Variants in INSR observed in about 807,000 individuals in gnomAD.
INSR encodes IR.
Under a neutral mutation model 142.6 loss-of-function variants are expected in INSR, and 67 were observed. That is an observed-to-expected ratio of 0.47 (90% CI 0.39 to 0.58). The LOEUF (loss-of-function observed/expected upper bound fraction) is 0.58. Among genes scored for constraint, INSR ranks in the 20% least tolerant of loss-of-function variants. INSR has a pLI of 0.00. For missense variants in INSR, 1,248 were observed against 1,833.2 expected (o/e 0.68, Z 5.83); for synonymous variants, 756 against 743.1 (o/e 1.02, Z -0.28).
At chr19:7,130,021 G>A (rs778684060) in intron 14 of INSR, among the ~76,000 whole-genome samples, 10 of 134,100 alleles carry the variant, frequency 7.5e-5, no homozygotes, top group South Asian at 2.4e-4. Flanking sequence ...TTACAGGTGT[G>A]AGCCACCTCA....
At chr19:7,118,455 T>C (rs79835743) in intron 21 of INSR, among the ~76,000 whole-genome samples, 39,324 of 151,442 alleles carry the variant, frequency 0.26, 6,232 homozygotes, top group African/African-American at 0.44. Context: ...GTAGCTGGGA[T>C]TACAGGCGCC....
At position 7,181,769 on chromosome 19, in the gene INSR, C is replaced by T. The variant is rs149554766; in HGVS notation, c.974+2547G>A. 5.6e-3 allele frequency among the ~76,000 whole-genome samples: 839 copies of T among 151,130 alleles called. 14 individuals carry two copies. Among genetic ancestry groups the T allele is most frequent in the African/African-American group, 0.019 (801 of 41,246 alleles). On this transcript the variant is annotated intron_variant, in intron 3 of 21. Coordinates refer to ENST00000302850, the MANE Select transcript of INSR (RefSeq NM_000208.4). ...TTTGTTTTTGTATTTTTAGTAAAGA[C>T]GGGGTTTCACCGTGGTGGCCAGGCT... is the stretch of plus-strand genomic sequence containing the variant.
chr19:7,213,359 AC>A (rs534811691), intron 2 of INSR, among the ~76,000 whole-genome samples: 22,221 of 120,634 alleles, frequency 0.18, 1,920 homozygotes, highest in East Asian at 0.38. Flanking sequence ...AAAAAAAAAA[AC>A]AAACAAAAAA....
chr19:7,271,237 T>G (rs944255560), intron 1 of INSR, among the ~76,000 whole-genome samples: 5 of 152,088 alleles, frequency 3.3e-5, no homozygotes, highest in African/African-American at 1.2e-4. Context: ...GGCTCACACT[T>G]GTAATCCCAG....
intron 2 of INSR, among the ~76,000 whole-genome samples, chr19:7,221,477 G>A (rs1975614836): frequency 6.6e-6 from 1 of 152,134 alleles, no homozygotes; most frequent in South Asian, 2.1e-4. Flanking sequence ...GGAGGCCGAG[G>A]CGGGCGGATC....
In INSR at chr19:7,149,936, AGAAGGAAGGAAGGAAG is replaced by A. The variant is rs71177162; in HGVS notation, c.2267+545_2267+560del. 8.5e-3 allele frequency among the ~76,000 whole-genome samples: 1,225 copies of A among 144,254 alleles called. 34 individuals carry two copies. Among genetic ancestry groups the A allele is most frequent in the African/African-American group, 0.03 (1,146 of 38,740 alleles). 94.6% of individuals were successfully genotyped at this position (144,254 alleles called of 152,430 possible). The stretch of plus-strand genomic sequence containing the variant: ...AAGAAAGAAAGAAGGAAAAAAAGAA[AGAAGGAAGGAAGGAAG>A]GAAGGAAGGAAGGAAGGAAGGAAGG... On this transcript the variant is annotated intron_variant, in intron 11 of 21. Transcript: ENST00000302850.
intron 1 of INSR, among the ~76,000 whole-genome samples, chr19:7,273,759 C>T (rs988310744): frequency 2.0e-5 from 3 of 152,052 alleles, no homozygotes; most frequent in Non-Finnish European, 2.9e-5. Context: ...TCAGGTGATC[C>T]GCCCACCTCG....
rs773975823 is a variant in INSR at position 7,125,409 on chromosome 19, G to A, written c.3132C>T (p.Asp1044=). 25 of 1,614,004 alleles carry A rather than the reference G, an allele frequency of 1.5e-5. No individual in the cohort carries two copies. In the East Asian group the frequency reaches 4.9e-4, roughly 32 times the overall value. The change falls in exon 17 of 22, where the codon GAC becomes GAT. Residue 1044 remains aspartate (D), a synonymous_variant. Coordinates refer to ENST00000302850, the MANE Select transcript of INSR (RefSeq NM_000208.4). This position sits in a 1 kb window ranked among gnomAD's most constrained non-coding sequence, Gnocchi z 4.9. ...FGMVYEGNAR[D]IIKGEAETRV... Reference sequence around the variant, plus strand: ...GGGTCTCTGCCTCACCCTTGATGATGTCCCTGGCATTGCCCTCATACACCA... The same window carrying A: ...GGGTCTCTGCCTCACCCTTGATGATATCCCTGGCATTGCCCTCATACACCA...
At position 7,219,810 on chromosome 19, in the gene INSR, C is replaced by G. The variant is rs577976717; in HGVS notation, c.653-35173G>C. Reference sequence around the variant, plus strand: ...ATGGGGACCCCATCTCTCTCCCTTTCCTTTTCGCAGTCCTGCTTCCTTCTA... The same window carrying G: ...ATGGGGACCCCATCTCTCTCCCTTTGCTTTTCGCAGTCCTGCTTCCTTCTA... On this transcript the variant is annotated intron_variant, in intron 2 of 21. Transcript: ENST00000302850. 2.6e-5 allele frequency among the ~76,000 whole-genome samples: 4 copies of G among 152,338 alleles called. No homozygotes were observed. In the East Asian group the frequency reaches 7.7e-4, roughly 29 times the overall value.
chr19:7,194,508 CTTTTTTTTTTTTT>C (rs35025189), intron 2 of INSR, among the ~76,000 whole-genome samples: 1,887 of 73,676 alleles, frequency 0.026, 27 homozygotes, highest in Non-Finnish European at 0.036. Flanking sequence ...AATAGCTTTG[CTTTTTTTTTTTTT>C]TTTTTTTTTG....
chr19:7,153,196 A>ACCACACACC (rs1973459214), intron 9 of INSR, among the ~76,000 whole-genome samples: 1 of 4,354 alleles, frequency 2.3e-4, no homozygotes, highest in Admixed American at 1.8e-3. Context: ...CCACACACAC[A>ACCACACACC]CCACACACAC....
chr19:7,166,412 G>A lies in INSR; in HGVS notation c.1611-8C>T, dbSNP rs1973891112. The A allele has an allele frequency of 1.9e-6, 3 of 1,613,548 alleles. No individual in the cohort carries two copies. Among genetic ancestry groups the A allele is most frequent in the Non-Finnish European group, 2.5e-6 (3 of 1,179,872 alleles). ...GTCACATTCTGATAAGGGCTTTCAA[G>A]ACAAAACAGCAGAAGGCAGTTACCC... On this transcript the variant is annotated splice_region_variant and splice_polypyrimidine_tract_variant and intron_variant, in intron 7 of 21. Coordinates refer to ENST00000302850, the MANE Select transcript of INSR (RefSeq NM_000208.4). The surrounding 1 kb of genome is among the most constrained non-coding windows in gnomAD (Gnocchi z 4.1).
intron 2 of INSR, among the ~76,000 whole-genome samples, chr19:7,263,191 A>C (rs1236665520): frequency 1.3e-5 from 2 of 152,010 alleles, no homozygotes; most frequent in East Asian, 3.9e-4. Context: ...AGGCAGGAGA[A>C]TCATTTGAAT....
intron 2 of INSR, among the ~76,000 whole-genome samples, chr19:7,253,233 TTTATTTATTTA>T: frequency 3.4e-5 from 2 of 59,694 alleles, no homozygotes; most frequent in African/African-American, 1.0e-4. Context: ...TATTTATTTG[TTTATTTATTTA>T]TTTAATTATT....
At chr19:7,205,620 C>T (rs1975086766) in intron 2 of INSR, among the ~76,000 whole-genome samples, 1 of 152,142 alleles carries the variant, frequency 6.6e-6, no homozygotes. Flanking sequence ...TGCCTGTAAT[C>T]CCGATACTTT....
At chr19:7,178,718 C>G (rs1407580165) in intron 3 of INSR, among the ~76,000 whole-genome samples, 1 of 134,266 alleles carries the variant, frequency 7.4e-6, no homozygotes, top group African/African-American at 3.2e-5. Context: ...GACTCCGTCT[C>G]AAAACAAACA....
At chr19:7,126,480 T>G in intron 16 of INSR, 104 bp downstream of exon 16, 1 of 1,052,870 alleles carries the variant, frequency 9.5e-7, no homozygotes, top group Non-Finnish European at 1.4e-6. Context: ...AGGGCTTTTC[T>G]TGGCCTCCCT....
chr19:7,161,877 G>A lies in INSR; in HGVS notation c.2029+1155C>T, dbSNP rs138722466. Among the ~76,000 whole-genome samples the A allele has an allele frequency of 1.9e-3, 287 of 152,158 alleles. 3 individuals are homozygous for A. The highest frequency in any genetic ancestry group is 6.6e-3 in the African/African-American group (273 of 41,510). On this transcript the variant is annotated intron_variant, in intron 9 of 21. Transcript: ENST00000302850. Reference sequence around the variant, plus strand: ...AGTCTTCAGTGCGTGCTTGTGTTACGATGTTTAAAAATGTGTATGTATGAG... The same window carrying A: ...AGTCTTCAGTGCGTGCTTGTGTTACAATGTTTAAAAATGTGTATGTATGAG...
chr19:7,199,826 C>A (rs535341459), intron 2 of INSR, among the ~76,000 whole-genome samples: 2 of 137,704 alleles, frequency 1.5e-5, no homozygotes, highest in South Asian at 4.9e-4. Flanking sequence ...CCAGTATGCA[C>A]GAGACACATA....
Sources: gnomAD v4.1 joint callset for allele counts (sites outside exome capture counted in the v4.1 genomes callset) on GRCh38, gnomAD v4.1.1 for gene constraint, Gnocchi (gnomAD v3.1) non-coding constraint, MANE v1.5 for transcripts, NCBI Gene and HGNC (gene_info 2026-07-23, HGNC 2026-07-21) for gene names.